The following CCSER1 variants were observed in gnomAD, a reference collection of about 807,000 sequenced individuals.
CCSER1 encodes serine-rich coiled-coil domain-containing protein 1.
In CCSER1, 41 loss-of-function variants were observed where a neutral mutation model predicts 82.0. The ratio of observed to expected loss-of-function variants is 0.50; its 90% confidence interval spans 0.39 to 0.65. The LOEUF (loss-of-function observed/expected upper bound fraction) is 0.65, where lower values mean the gene tolerates loss of function less well. Among genes scored for constraint, CCSER1 ranks in the 30% least tolerant of loss-of-function variants. The probability of loss-of-function intolerance (pLI) is 0.00; values close to 1 mark genes in which losing one functional copy is unlikely to be tolerated. For synonymous variants in CCSER1, 414 were observed against 383.9 expected (o/e 1.08, Z -0.92); for missense variants, 1,119 against 1,064.2 (o/e 1.05, Z -0.72).
At chr4:90,211,108 G>A (rs1739909115) in intron 1 of CCSER1, among the ~76,000 whole-genome samples, 1 of 152,106 alleles carries the variant, frequency 6.6e-6, no homozygotes, top group Non-Finnish European at 1.5e-5. Context: ...AGGGAACTTA[G>A]TAACTTTTCT....
chr4:91,037,301 G>A (rs1209312350), intron 9 of CCSER1, among the ~76,000 whole-genome samples: 1 of 151,492 alleles, frequency 6.6e-6, no homozygotes, highest in African/African-American at 2.4e-5. Context: ...CCTTAGCTTA[G>A]AGTCAGGCTT....
intron 3 of CCSER1, among the ~76,000 whole-genome samples, chr4:90,324,358 C>T (rs1658421700): frequency 1.4e-5 from 2 of 144,646 alleles, no homozygotes; most frequent in Admixed American, 1.4e-4. Flanking sequence ...TAATGATTGC[C>T]ATTCTAACTG....
intron 10 of CCSER1, among the ~76,000 whole-genome samples, chr4:91,566,454 G>A (rs78424639): frequency 0.012 from 1,856 of 152,176 alleles, 26 homozygotes; most frequent in African/African-American, 0.041. Flanking sequence ...AATAGTTTCT[G>A]TAGGAATGAC....
chr4:90,566,386 T>A (rs533989635), intron 5 of CCSER1, among the ~76,000 whole-genome samples: 1 of 152,022 alleles, frequency 6.6e-6, no homozygotes, highest in South Asian at 2.1e-4. Flanking sequence ...ATTCTTTAAA[T>A]GTTTAATATG....
chr4:90,584,587 A>G (rs1345754379), intron 5 of CCSER1, among the ~76,000 whole-genome samples: 1 of 152,210 alleles, frequency 6.6e-6, no homozygotes, highest in Non-Finnish European at 1.5e-5. Context: ...AAATTTGGGT[A>G]TTGTTTTAAA....
At chr4:90,408,220 A>G (rs1279674338) in intron 4 of CCSER1, among the ~76,000 whole-genome samples, 1 of 152,194 alleles carries the variant, frequency 6.6e-6, no homozygotes, top group Non-Finnish European at 1.5e-5. Flanking sequence ...GGGCACAGAC[A>G]AACAAAAGAC....
chr4:91,164,272 G>C (rs1731778733), intron 10 of CCSER1, among the ~76,000 whole-genome samples: 1 of 152,048 alleles, frequency 6.6e-6, no homozygotes, highest in African/African-American at 2.4e-5. Context: ...CTTTTTTCTG[G>C]CTTGCAGGGT....
At chr4:90,399,797 AAAG>A (rs1269147226) in intron 3 of CCSER1, among the ~76,000 whole-genome samples, 8 of 152,148 alleles carry the variant, frequency 5.3e-5, no homozygotes, top group African/African-American at 1.4e-4. Context: ...TATCATTAAA[AAAG>A]AAAAAAAATG....
chr4:91,479,328 T>A (rs1757762610), intron 10 of CCSER1, among the ~76,000 whole-genome samples: 1 of 151,870 alleles, frequency 6.6e-6, no homozygotes, highest in Admixed American at 6.6e-5. Context: ...ACATTAAAAA[T>A]TCCTAAAATT....
intron 10 of CCSER1, among the ~76,000 whole-genome samples, chr4:91,467,907 C>T (rs547062205): frequency 1.3e-5 from 2 of 152,262 alleles, no homozygotes; most frequent in Non-Finnish European, 2.9e-5. Flanking sequence ...TTTGGTGGGA[C>T]TGTAAACTAT....
Position 90,491,355 on chromosome 4 carries a change from C to T in CCSER1, c.1724+23001C>T, listed in dbSNP as rs1036540192. ...GGTGTATAAGAATGCTTGTGATTTT[C>T]GCACATTGATTTTATATCCTGAGAC... is the stretch of plus-strand genomic sequence containing the variant. On this transcript the variant is annotated intron_variant, in intron 5 of 10. Transcript: ENST00000509176. Among the ~76,000 whole-genome samples the T allele has an allele frequency of 3.3e-5, 5 of 152,012 alleles. No homozygotes were observed. The South Asian group carries it at 6.2e-4, about 19-fold the overall frequency.
At chr4:91,536,839 C>A (rs891351064) in intron 10 of CCSER1, among the ~76,000 whole-genome samples, 1 of 151,988 alleles carries the variant, frequency 6.6e-6, no homozygotes, top group Non-Finnish European at 1.5e-5. Flanking sequence ...TGTAAATAGT[C>A]CTTTTTCATC....
At position 90,628,239 on chromosome 4, in the gene CCSER1, G is replaced by T. The variant is rs753070111; in HGVS notation, c.1932+7G>T. 1.2e-5 allele frequency: 19 copies of T among 1,601,904 alleles called. No individual in the cohort carries two copies. In the Admixed American group the frequency reaches 3.2e-4, roughly 27 times the overall value. ...GAAGAGAGTTCTTCAAGAGGTAATG[G>T]TTTCCTCTAAGATTAATGTCCTTCA... is the stretch of plus-strand genomic sequence containing the variant. On this transcript the variant is annotated splice_region_variant and intron_variant, in intron 6 of 10. Transcript: ENST00000509176.
At chr4:91,454,305 C>T (rs1756027172) in intron 10 of CCSER1, among the ~76,000 whole-genome samples, 2 of 152,052 alleles carry the variant, frequency 1.3e-5, no homozygotes, top group Non-Finnish European at 2.9e-5. Context: ...CTTGGCTTCT[C>T]CAGCTCCTAG....
At chr4:90,234,844 A>G (rs999445212) in intron 1 of CCSER1, among the ~76,000 whole-genome samples, 3 of 152,182 alleles carry the variant, frequency 2.0e-5, no homozygotes. Context: ...ATTAAATGGC[A>G]GTCCTTAGTT....
chr4:91,176,203 T>C (rs542791232), intron 10 of CCSER1, among the ~76,000 whole-genome samples: 1 of 11,282 alleles, frequency 8.9e-5, no homozygotes, highest in East Asian at 2.6e-3. Flanking sequence ...TTGGTACCAG[T>C]ACCTGCTGTT....
chr4:90,538,419 G>A (rs539222481), intron 5 of CCSER1, among the ~76,000 whole-genome samples: 39 of 151,760 alleles, frequency 2.6e-4, no homozygotes, highest in Middle Eastern at 6.8e-3. Flanking sequence ...TTATTTGCAG[G>A]GGATATTATG....
At chr4:90,964,717 C>T (rs1173209976) in intron 9 of CCSER1, among the ~76,000 whole-genome samples, 1 of 93,916 alleles carries the variant, frequency 1.1e-5, no homozygotes, top group African/African-American at 4.4e-5. Context: ...AGAGCCAGAG[C>T]AAGACTCTGT....
At chr4:90,708,034 G>T (rs1739739818) in intron 6 of CCSER1, among the ~76,000 whole-genome samples, 1 of 152,152 alleles carries the variant, frequency 6.6e-6, no homozygotes, top group African/African-American at 2.4e-5. Context: ...AAATGGATCT[G>T]TGTAGTTCAA....
Sources: allele counts gnomAD v4.1 joint callset (sites outside exome capture counted in the v4.1 genomes callset), GRCh38; gene constraint gnomAD v4.1.1; transcripts MANE v1.5; gene names NCBI Gene and HGNC (gene_info 2026-07-23, HGNC 2026-07-21).